SHC3: variants seen among roughly 807,000 people sequenced by gnomAD.
The protein encoded by SHC3 is SHC adaptor protein 3.
SHC3 carries 15 observed loss-of-function variants against 60.4 expected under a neutral mutation model. The observed-to-expected ratio is 0.25, with a 90% confidence interval of 0.17 to 0.38. The LOEUF is 0.38. Ranked by LOEUF, SHC3 falls within the 10% of genes least tolerant of loss-of-function variation. The probability of loss-of-function intolerance (pLI) is 1.00; values close to 1 mark genes in which losing one functional copy is unlikely to be tolerated. For synonymous variants in SHC3, 294 were observed against 325.9 expected (o/e 0.90, Z 1.05); for missense variants, 677 against 786.1 (o/e 0.86, Z 1.66).
intron 2 of SHC3, among the ~76,000 whole-genome samples, chr9:89,097,783 T>A (rs2118073436): frequency 6.6e-6 from 1 of 152,334 alleles, no homozygotes; most frequent in East Asian, 1.9e-4. Context: ...AACCCAAGTT[T>A]GCAAAGTAAT....
At chr9:89,104,587 TTG>T (rs1231041399) in intron 2 of SHC3, among the ~76,000 whole-genome samples, 1 of 152,220 alleles carries the variant, frequency 6.6e-6, no homozygotes, top group Non-Finnish European at 1.5e-5. Context: ...TTAAAGGAAT[TTG>T]TGCTGCAGCG....
chr9:89,177,853 G>C, intron 1 of SHC3, 134 bp downstream of exon 1: 1 of 1,105,290 alleles, frequency 9.0e-7, no homozygotes, highest in East Asian at 4.1e-5. Context: ...GATTGCTAAG[G>C]AGTGCGCATT....
At chr9:89,072,447 T>C (rs919437576) in intron 4 of SHC3, among the ~76,000 whole-genome samples, 3 of 152,140 alleles carry the variant, frequency 2.0e-5, no homozygotes, top group Non-Finnish European at 4.4e-5. Flanking sequence ...TCTTCCATTT[T>C]ATCCCATTAG....
intron 1 of SHC3, among the ~76,000 whole-genome samples, chr9:89,147,984 T>G (rs963201347): frequency 6.6e-6 from 1 of 152,168 alleles, no homozygotes; most frequent in Non-Finnish European, 1.5e-5. Flanking sequence ...GGGTACAAAA[T>G]AAATGTTGTT....
At chr9:89,172,756 G>A (rs1826888200) in intron 1 of SHC3, among the ~76,000 whole-genome samples, 1 of 152,146 alleles carries the variant, frequency 6.6e-6, no homozygotes, top group Admixed American at 6.5e-5. Flanking sequence ...ACACATAACT[G>A]GTCATTTCTT....
chr9:89,066,868 G>A (rs777220941), intron 5 of SHC3, among the ~76,000 whole-genome samples: 4 of 152,184 alleles, frequency 2.6e-5, no homozygotes, highest in Non-Finnish European at 5.9e-5. Flanking sequence ...TGAGTATGGG[G>A]TGGCCATGTC....
intron 1 of SHC3, among the ~76,000 whole-genome samples, chr9:89,170,666 C>G (rs796674503): frequency 1.3e-5 from 2 of 152,012 alleles, no homozygotes; most frequent in East Asian, 3.9e-4. Flanking sequence ...AGTGCATATG[C>G]TAGGGAATAA....
chr9:89,108,489 C>T (rs1261628567), intron 2 of SHC3, among the ~76,000 whole-genome samples: 3 of 152,070 alleles, frequency 2.0e-5, no homozygotes, highest in African/African-American at 7.2e-5. Context: ...CCATTGCATT[C>T]CAGGCTAGAC....
chr9:89,080,223 T>C (rs1261435008), intron 2 of SHC3, among the ~76,000 whole-genome samples: 3 of 152,226 alleles, frequency 2.0e-5, no homozygotes, highest in Admixed American at 6.5e-5. Context: ...CATTTGAGTC[T>C]CAGGTACCAA....
At position 89,077,918 on chromosome 9, in the gene SHC3, A is replaced by C; in HGVS notation, c.546-15T>G. The stretch of plus-strand genomic sequence containing the variant: ...TGATGGCTTCCCTTAGGACAGGAAG[A>C]AAAAGCAATTTTATTACGTGTCAGT... On this transcript the variant is annotated splice_polypyrimidine_tract_variant and intron_variant, in intron 2 of 11. Transcript: ENST00000375835. 2.5e-6 allele frequency: 4 copies of C among 1,614,212 alleles called. No individual in the cohort carries two copies. The highest frequency in any genetic ancestry group is 3.4e-6 in the Non-Finnish European group (4 of 1,180,016).
chr9:89,144,434 C>T (rs75959740), intron 1 of SHC3, among the ~76,000 whole-genome samples: 2,835 of 152,280 alleles, frequency 0.019, 42 homozygotes, highest in Middle Eastern at 0.071. Context: ...ATTTCTAACT[C>T]AGTAGCTCTG....
intron 1 of SHC3, among the ~76,000 whole-genome samples, chr9:89,121,152 A>G (rs1390937325): frequency 6.6e-6 from 1 of 152,214 alleles, no homozygotes; most frequent in African/African-American, 2.4e-5. Context: ...CATATGAACT[A>G]TTGTGATGGA....
At chr9:89,037,213 G>C (rs909233701) in intron 11 of SHC3, among the ~76,000 whole-genome samples, 4 of 152,264 alleles carry the variant, frequency 2.6e-5, no homozygotes, top group African/African-American at 9.6e-5. Context: ...GTTTAATTGT[G>C]TTCCAGTCCA....
chr9:89,133,171 C>G (rs1227777024), intron 1 of SHC3, among the ~76,000 whole-genome samples: 1 of 152,222 alleles, frequency 6.6e-6, no homozygotes, highest in Non-Finnish European at 1.5e-5. Flanking sequence ...TGCTCATCAT[C>G]ACTGGCCATC....
At chr9:89,139,886 A>G (rs1483497354) in intron 1 of SHC3, among the ~76,000 whole-genome samples, 1 of 152,204 alleles carries the variant, frequency 6.6e-6, no homozygotes, top group Non-Finnish European at 1.5e-5. Flanking sequence ...TTTAGAATCT[A>G]ATGCTCTAAA....
At chr9:89,022,570 T>A (rs1826221491) in intron 11 of SHC3, among the ~76,000 whole-genome samples, 1 of 152,152 alleles carries the variant, frequency 6.6e-6, no homozygotes, top group African/African-American at 2.4e-5. Context: ...GAATGACCCT[T>A]TGCTCATCAT....
chr9:89,043,917 G>A (rs936552578), intron 9 of SHC3, among the ~76,000 whole-genome samples: 1 of 152,148 alleles, frequency 6.6e-6, no homozygotes, highest in Non-Finnish European at 1.5e-5. Context: ...GCTTCCCAAA[G>A]TGCTGGAATT....
chr9:89,072,826 A>T (rs1825296417), intron 4 of SHC3, among the ~76,000 whole-genome samples: 1 of 152,226 alleles, frequency 6.6e-6, no homozygotes, highest in Non-Finnish European at 1.5e-5. Context: ...CTATAATCAT[A>T]CATCCCAGGG....
rs1461265553 is a variant in SHC3 at position 89,178,278 on chromosome 9, G to A, written c.183C>T (p.Pro61=). The A allele has an allele frequency of 1.9e-6, 3 of 1,553,704 alleles. No homozygotes were observed. Among genetic ancestry groups the A allele is most frequent in the Non-Finnish European group, 2.6e-6 (3 of 1,152,070 alleles). Residue 61 remains proline (P), a synonymous_variant, in exon 1 of 12, where the codon CCC becomes CCT. Transcript: ENST00000375835. This position sits in a 1 kb window ranked among gnomAD's most constrained non-coding sequence, Gnocchi z 6.9. The part of the protein sequence containing the change: ...EALRKAPDDG[P]GSLGHLLHKV... ...TGTGGAGCAGGTGGCCCAGGCTGCC[G>A]GGCCCATCGTCGGGCGCCTTGCGCA...
Sources: allele counts gnomAD v4.1 joint callset (sites outside exome capture counted in the v4.1 genomes callset), GRCh38; gene constraint gnomAD v4.1.1; non-coding constraint Gnocchi (gnomAD v3.1); transcripts MANE v1.5; gene names NCBI Gene and HGNC (gene_info 2026-07-23, HGNC 2026-07-21).